Variants in SLC25A21 observed in about 807,000 individuals in gnomAD.
The protein encoded by SLC25A21 is solute carrier family 25 member 21, also known as mitochondrial 2-oxodicarboxylate carrier.
In SLC25A21, 47 loss-of-function variants were observed where a neutral mutation model predicts 43.8. The ratio of observed to expected loss-of-function variants is 1.07; its 90% CI spans 0.85 to 1.37. The LOEUF is 1.37. Among genes scored for constraint, SLC25A21 ranks in the 40% most tolerant of loss-of-function variants. The probability of loss-of-function intolerance (pLI) is 0.00; values close to 1 mark genes in which losing one functional copy is unlikely to be tolerated. For missense variants in SLC25A21, 352 were observed against 350.2 expected (o/e 1.00, Z -0.04); for synonymous variants, 131 against 121.3 (o/e 1.08, Z -0.52).
In SLC25A21 at chr14:37,112,237, C is replaced by T. The variant is rs116465301; in HGVS notation, c.70+60044G>A. 6.1e-3 allele frequency among the ~76,000 whole-genome samples: 929 copies of T among 152,118 alleles called. 11 individuals carry two copies. Among genetic ancestry groups the T allele is most frequent in the African/African-American group, 0.022 (895 of 41,484 alleles). ...ACCTATAGTTAACAGGCCCCCTTGC[C>T]GCCGCCGCCAAAATACAACAGGCCC... On this transcript the variant is annotated intron_variant, in intron 1 of 9. Transcript: ENST00000331299.
chr14:36,756,806 T>C (rs1269708163), intron 3 of SLC25A21, among the ~76,000 whole-genome samples: 1 of 152,174 alleles, frequency 6.6e-6, no homozygotes, highest in Non-Finnish European at 1.5e-5. Flanking sequence ...AGATAAATAT[T>C]CAAACAATAC....
At chr14:36,999,376 G>T (rs1459143305) in intron 1 of SLC25A21, among the ~76,000 whole-genome samples, 2 of 152,126 alleles carry the variant, frequency 1.3e-5, no homozygotes, top group East Asian at 1.9e-4. Context: ...GAAACTGGAG[G>T]TTGGGGAGGG....
rs531516681 is a variant in SLC25A21, at chr14:36,696,154, T to G, written c.604-11229A>C. On this transcript the variant is annotated intron_variant, in intron 7 of 9. Transcript: ENST00000331299. ...TTCTGTCGAAGGCCTTTTCTGCATC[T>G]ATTGAGATAATCATGTGGTTTTTGT... Among the ~76,000 whole-genome samples the G allele has an allele frequency of 1.2e-4, 18 of 152,372 alleles. No homozygotes were observed. In the South Asian group the frequency reaches 3.7e-3, roughly 32 times the overall value.
intron 6 of SLC25A21, among the ~76,000 whole-genome samples, chr14:36,716,034 T>C (rs1884118125): frequency 6.6e-6 from 1 of 152,032 alleles, no homozygotes; most frequent in Non-Finnish European, 1.5e-5. Context: ...GAGGTTGCAT[T>C]GAGCAGAGAT....
intron 1 of SLC25A21, among the ~76,000 whole-genome samples, chr14:37,134,932 T>G (rs1377709685): frequency 3.4e-5 from 5 of 149,058 alleles, no homozygotes; most frequent in Non-Finnish European, 6.0e-5. Context: ...ATCTCTACTT[T>G]TTTTTTTTTT....
At chr14:37,166,110 G>A (rs774901989) in intron 1 of SLC25A21, among the ~76,000 whole-genome samples, 4 of 152,250 alleles carry the variant, frequency 2.6e-5, no homozygotes, top group South Asian at 2.1e-4. Context: ...AAGTGAACAC[G>A]TCTGTTCTAG....
intron 1 of SLC25A21, among the ~76,000 whole-genome samples, chr14:36,929,867 T>C (rs111513937): frequency 0.017 from 2,636 of 152,236 alleles, 72 homozygotes; most frequent in African/African-American, 0.059. Context: ...ACTGTTTTGA[T>C]GAATAGAAAA....
chr14:36,845,750 G>C (rs1444775464), intron 2 of SLC25A21, among the ~76,000 whole-genome samples: 1 of 152,190 alleles, frequency 6.6e-6, no homozygotes. Flanking sequence ...AATTAGCTGG[G>C]ATTTTAGACA....
chr14:37,099,268 C>T (rs1191261753), intron 1 of SLC25A21, among the ~76,000 whole-genome samples: 1 of 152,114 alleles, frequency 6.6e-6, no homozygotes, highest in East Asian at 1.9e-4. Context: ...GTGTGTCTAT[C>T]TAAAATCCTC....
intron 1 of SLC25A21, among the ~76,000 whole-genome samples, chr14:37,047,019 A>G (rs1302448128): frequency 6.6e-6 from 1 of 152,248 alleles, no homozygotes; most frequent in Non-Finnish European, 1.5e-5. Context: ...CCTCTAAGCA[A>G]CTACTTAGTT....
chr14:36,868,587 C>G (rs1274727337), intron 2 of SLC25A21, among the ~76,000 whole-genome samples: 5 of 152,298 alleles, frequency 3.3e-5, no homozygotes, highest in South Asian at 4.1e-4. Flanking sequence ...TAATTTCTAA[C>G]CATCTTTTAA....
chr14:36,855,427 C>G (rs938603456), intron 2 of SLC25A21, among the ~76,000 whole-genome samples: 10 of 152,110 alleles, frequency 6.6e-5, no homozygotes, highest in African/African-American at 2.4e-4. Context: ...AGGATAGACA[C>G]AGATGCAGAA....
intron 2 of SLC25A21, among the ~76,000 whole-genome samples, chr14:36,849,159 T>C (rs1008966880): frequency 6.6e-6 from 1 of 152,192 alleles, no homozygotes; most frequent in Non-Finnish European, 1.5e-5. Flanking sequence ...AAACACACTT[T>C]AAAAATAAAA....
Position 36,679,383 on chromosome 14 carries a change from T to A in SLC25A21, c.*1275A>T, listed in dbSNP as rs894180184. The stretch of plus-strand genomic sequence containing the variant: ...AATTACCATGTTATCTTTTACTTTT[T>A]ATTTTCAAAATGCTTTAGTGAAATA... On this transcript the variant is annotated 3_prime_UTR_variant, in exon 10 of 10. Transcript: ENST00000331299. The A allele has an allele frequency of 3.1e-6, 3 of 979,580 alleles. No individual in the cohort carries two copies. The allele number at this position is 979,580 out of a possible 1,614,324, so 60.7% of individuals were successfully genotyped here.
chr14:36,849,429 T>C (rs185397961), intron 2 of SLC25A21, among the ~76,000 whole-genome samples: 1 of 152,344 alleles, frequency 6.6e-6, no homozygotes, highest in Non-Finnish European at 1.5e-5. Flanking sequence ...AAAGGGCTTA[T>C]ATATTTATGT....
chr14:36,968,311 G>C (rs1959666132), intron 1 of SLC25A21, among the ~76,000 whole-genome samples: 1 of 152,196 alleles, frequency 6.6e-6, no homozygotes, highest in South Asian at 2.1e-4. Context: ...CCTCTACTGA[G>C]AGTGGGAGGT....
intron 1 of SLC25A21, among the ~76,000 whole-genome samples, chr14:36,929,224 T>A (rs1435749598): frequency 6.6e-6 from 1 of 152,184 alleles, no homozygotes; most frequent in Non-Finnish European, 1.5e-5. Context: ...CCACTTAGCA[T>A]GATGCCTAGA....
intron 3 of SLC25A21, among the ~76,000 whole-genome samples, chr14:36,779,997 T>C (rs1387465721): frequency 1.3e-5 from 2 of 152,006 alleles, no homozygotes; most frequent in South Asian, 2.1e-4. Flanking sequence ...GTTATACTCA[T>C]TCAGTCTCCT....
chr14:36,866,699 C>G (rs1467202752), intron 2 of SLC25A21, among the ~76,000 whole-genome samples: 1 of 152,154 alleles, frequency 6.6e-6, no homozygotes, highest in African/African-American at 2.4e-5. Flanking sequence ...ACATTGCATT[C>G]TAGGCTTGTG....
Sources: allele counts gnomAD v4.1 joint callset (sites outside exome capture counted in the v4.1 genomes callset), GRCh38; gene constraint gnomAD v4.1.1; transcripts MANE v1.5; gene names NCBI Gene and HGNC (gene_info 2026-07-23, HGNC 2026-07-21).